The following ALCAM variants were observed in gnomAD, a reference collection of about 807,000 sequenced individuals.
The protein encoded by ALCAM is CD166 antigen.
Under a neutral mutation model 70.9 loss-of-function variants are expected in ALCAM, and 30 were observed. That is an observed-to-expected ratio of 0.42 (90% CI 0.32 to 0.57). The LOEUF is 0.57. Among genes scored for constraint, ALCAM ranks in the 20% least tolerant of loss-of-function variants. The pLI is 0.11. For missense variants in ALCAM, 591 were observed against 695.1 expected (o/e 0.85, Z 1.68); for synonymous variants, 249 against 242.5 (o/e 1.03, Z -0.25).
rs779834315 is a variant in ALCAM, at chr3:105,547,300, G to A, written c.1240+16G>A. On this transcript the variant is annotated intron_variant, in intron 10 of 15. Coordinates refer to ENST00000306107, the MANE Select transcript of ALCAM (RefSeq NM_001627.4). ...ATTGTAGAAGGTAATAAAATACTTG[G>A]GCACTAATTCAAATTGTTCTTTGAG... 1.3e-6 allele frequency: 2 copies of A among 1,582,482 alleles called. No individual in the cohort carries two copies. Among genetic ancestry groups the A allele is most frequent in the Admixed American group, 1.9e-5 (1 of 53,724 alleles).
intron 1 of ALCAM, among the ~76,000 whole-genome samples, chr3:105,376,686 T>C (rs1935387074): frequency 6.6e-6 from 1 of 152,180 alleles, no homozygotes; most frequent in Non-Finnish European, 1.5e-5. Flanking sequence ...ATGAACAGCA[T>C]TTTACAACAA....
At chr3:105,484,924 T>C (rs1032080468) in intron 1 of ALCAM, among the ~76,000 whole-genome samples, 6 of 152,044 alleles carry the variant, frequency 3.9e-5, no homozygotes, top group African/African-American at 1.4e-4. Context: ...TAGACAAAAT[T>C]AAAGTCTGGA....
At chr3:105,563,191 A>G (rs1218345863) in intron 14 of ALCAM, among the ~76,000 whole-genome samples, 1 of 141,254 alleles carries the variant, frequency 7.1e-6, no homozygotes, top group Non-Finnish European at 1.5e-5. Flanking sequence ...CATTTAAATT[A>G]TTGACATTTT....
intron 1 of ALCAM, among the ~76,000 whole-genome samples, chr3:105,432,385 A>C (rs1936956094): frequency 6.6e-6 from 1 of 152,108 alleles, no homozygotes; most frequent in Admixed American, 6.5e-5. Flanking sequence ...TCAAGTTCTA[A>C]ATACAATCCT....
At chr3:105,569,469 T>C (rs1312879497) in intron 14 of ALCAM, among the ~76,000 whole-genome samples, 1 of 152,134 alleles carries the variant, frequency 6.6e-6, no homozygotes, top group Non-Finnish European at 1.5e-5. Context: ...TGCAGAACTA[T>C]CTGGAAAGGT....
chr3:105,463,879 G>T (rs1937643527), intron 1 of ALCAM, among the ~76,000 whole-genome samples: 1 of 151,412 alleles, frequency 6.6e-6, no homozygotes, highest in Non-Finnish European at 1.5e-5. Flanking sequence ...CCTAGGAACT[G>T]CAGATTACTT....
intron 1 of ALCAM, among the ~76,000 whole-genome samples, chr3:105,388,062 A>G (rs1935702447): frequency 6.6e-6 from 1 of 151,644 alleles, no homozygotes; most frequent in African/African-American, 2.4e-5. Flanking sequence ...AGGAATAAAA[A>G]TGCATTACAG....
chr3:105,509,790 T>A (rs1274753213), intron 1 of ALCAM, among the ~76,000 whole-genome samples: 1 of 152,120 alleles, frequency 6.6e-6, no homozygotes, highest in African/African-American at 2.4e-5. Flanking sequence ...TCCAAAAAAA[T>A]TATTGCCAAG....
At chr3:105,468,621 A>T (rs1018719918) in intron 1 of ALCAM, among the ~76,000 whole-genome samples, 4 of 151,228 alleles carry the variant, frequency 2.6e-5, no homozygotes, top group Non-Finnish European at 3.0e-5. Context: ...GGTATAATGT[A>T]CTTTGCCATT....
chr3:105,512,409 G>T (rs938117443), intron 1 of ALCAM, among the ~76,000 whole-genome samples: 14 of 151,756 alleles, frequency 9.2e-5, no homozygotes, highest in African/African-American at 3.4e-4. Context: ...TAGGTGAATT[G>T]TATTCATAAT....
At chr3:105,449,319 T>G (rs1160554002) in intron 1 of ALCAM, among the ~76,000 whole-genome samples, 3 of 152,200 alleles carry the variant, frequency 2.0e-5, no homozygotes, top group African/African-American at 7.2e-5. Context: ...AACAAAAAGC[T>G]TGCATATTTA....
chr3:105,482,009 CTAAT>C (rs112569031), intron 1 of ALCAM, among the ~76,000 whole-genome samples: 18,856 of 152,042 alleles, frequency 0.12, 1,255 homozygotes, highest in Middle Eastern at 0.18. Context: ...TAGCCGTAGA[CTAAT>C]TAACCCTAAA....
intron 15 of ALCAM, among the ~76,000 whole-genome samples, chr3:105,573,436 C>T (rs955838638): frequency 3.3e-5 from 5 of 152,140 alleles, no homozygotes; most frequent in African/African-American, 1.2e-4. Context: ...GCATAACAAA[C>T]TTGTGCACGT....
At chr3:105,388,301 G>C (rs1471774170) in intron 1 of ALCAM, among the ~76,000 whole-genome samples, 1 of 151,532 alleles carries the variant, frequency 6.6e-6, no homozygotes, top group Non-Finnish European at 1.5e-5. Context: ...TAATAGCTGT[G>C]ATGAGAACAC....
At chr3:105,501,482 T>A (rs1938918548) in intron 1 of ALCAM, among the ~76,000 whole-genome samples, 1 of 152,214 alleles carries the variant, frequency 6.6e-6, no homozygotes, top group African/African-American at 2.4e-5. Context: ...TAATTTTATT[T>A]GACATCAGAA....
intron 8 of ALCAM, among the ~76,000 whole-genome samples, chr3:105,542,965 A>G (rs956997139): frequency 9.9e-5 from 15 of 151,808 alleles, no homozygotes; most frequent in African/African-American, 3.4e-4. Flanking sequence ...AATATTATCC[A>G]GTCCTGTTCC....
intron 9 of ALCAM, among the ~76,000 whole-genome samples, chr3:105,545,589 A>G (rs145145613): frequency 1.0e-3 from 156 of 151,556 alleles, no homozygotes; most frequent in African/African-American, 3.6e-3. Flanking sequence ...TACTAATTAT[A>G]CACACACCAC....
chr3:105,434,337 A>G (rs1246342811), intron 1 of ALCAM, among the ~76,000 whole-genome samples: 1 of 152,124 alleles, frequency 6.6e-6, no homozygotes, highest in African/African-American at 2.4e-5. Flanking sequence ...TATTGGGGGA[A>G]ATTTCAAATA....
intron 1 of ALCAM, among the ~76,000 whole-genome samples, chr3:105,479,196 A>G (rs1468184985): frequency 6.6e-6 from 1 of 152,172 alleles, no homozygotes; most frequent in Non-Finnish European, 1.5e-5. Context: ...AAAATTAGAA[A>G]ACATTTCTTG....
Sources: allele counts gnomAD v4.1 joint callset (sites outside exome capture counted in the v4.1 genomes callset), GRCh38; gene constraint gnomAD v4.1.1; transcripts MANE v1.5; gene names NCBI Gene and HGNC (gene_info 2026-07-23, HGNC 2026-07-21).